LRRC8D: variants seen among roughly 807,000 people sequenced by gnomAD.
LRRC8D encodes leucine rich repeat containing 8 VRAC subunit D.
In LRRC8D, 20 loss-of-function variants were observed where a neutral mutation model predicts 55.8. The observed-to-expected ratio is 0.36, with a 90% confidence interval of 0.25 to 0.52. The LOEUF is 0.52. LRRC8D is among the 20% of genes least tolerant of loss of function. LRRC8D has a pLI of 0.93. For missense variants in LRRC8D, 651 were observed against 1,030.8 expected, an observed-to-expected ratio of 0.63 and a Z score of 5.05; for synonymous variants, 352 against 377.0, an observed-to-expected ratio of 0.93 and a Z score of 0.77.
intron 2 of LRRC8D, among the ~76,000 whole-genome samples, chr1:89,876,440 A>G (rs1662150043): frequency 6.6e-6 from 1 of 152,182 alleles, no homozygotes; most frequent in African/African-American, 2.4e-5. Flanking sequence ...CTACTGGGTT[A>G]GAGGATGTGC....
At position 89,898,166 on chromosome 1, in the gene LRRC8D, A is replaced by G. The variant is rs182276550; in HGVS notation, c.-2-34901A>G. On this transcript the variant is annotated intron_variant, in intron 2 of 2. Transcript: ENST00000337338. ...ATTGAATACGAGCCAGTAAGCAGTCATTGGTATACTGCAGTTATTGTACCA... is the reference window on the plus strand; with the variant it reads ...ATTGAATACGAGCCAGTAAGCAGTCGTTGGTATACTGCAGTTATTGTACCA... 1.1e-3 allele frequency among the ~76,000 whole-genome samples: 172 copies of G among 152,176 alleles called. 1 individual carries two copies. The highest frequency in any genetic ancestry group is 3.4e-3 in the African/African-American group (142 of 41,442).
intron 2 of LRRC8D, among the ~76,000 whole-genome samples, chr1:89,927,957 C>T (rs1045243106): frequency 2.0e-5 from 3 of 152,192 alleles, no homozygotes; most frequent in Non-Finnish European, 2.9e-5. Flanking sequence ...TAAATGCCAT[C>T]TGTGTTCTTC....
chr1:89,849,447 A>T (rs895045274), intron 2 of LRRC8D, among the ~76,000 whole-genome samples: 4 of 151,742 alleles, frequency 2.6e-5, no homozygotes, highest in Non-Finnish European at 5.9e-5. Flanking sequence ...GGAACTGCAC[A>T]GATAGTTGCC....
chr1:89,868,245 A>G (rs1396944805), intron 2 of LRRC8D, among the ~76,000 whole-genome samples: 1 of 152,324 alleles, frequency 6.6e-6, no homozygotes, highest in South Asian at 2.1e-4. Flanking sequence ...TTTGAAGAAG[A>G]TAGAACCTTG....
intron 2 of LRRC8D, among the ~76,000 whole-genome samples, chr1:89,906,124 A>G (rs1181743243): frequency 6.6e-6 from 1 of 152,184 alleles, no homozygotes; most frequent in Non-Finnish European, 1.5e-5. Context: ...ACTGCCCCCC[A>G]ACTGCTGTTT....
intron 1 of LRRC8D, among the ~76,000 whole-genome samples, chr1:89,823,349 GAAAGAAA>G (rs1296298400): frequency 1.3e-5 from 2 of 151,858 alleles, no homozygotes; most frequent in East Asian, 1.9e-4. Context: ...AAGTTTAATG[GAAAGAAA>G]AAAGAAAAAA....
intron 2 of LRRC8D, among the ~76,000 whole-genome samples, chr1:89,857,018 A>G (rs1661572455): frequency 6.6e-6 from 1 of 152,210 alleles, no homozygotes. Flanking sequence ...TCTTAAAACA[A>G]AAAAATACCC....
chr1:89,935,474 G>T lies in LRRC8D; in HGVS notation c.2406G>T (p.Gln802His). ...TTGGTCAGCTCTCCCAGCTCACTCA[G>T]CTGGAGCTGAAGGGGAACTGCTTGG... ...EKVGQLSQLT[Q>H]LELKGNCLDR... Residue 802 changes from glutamine (Q) to histidine (H), a missense_variant, in exon 3 of 3, where the codon CAG becomes CAT. Physicochemically the swap from Gln to His is conservative, Grantham distance 24. Coordinates refer to ENST00000337338, the MANE Select transcript of LRRC8D (RefSeq NM_001134479.2). 1 of 1,614,246 alleles carries T rather than the reference G, an allele frequency of 6.2e-7. No individual in the cohort carries two copies. Among genetic ancestry groups the T allele is most frequent in the Non-Finnish European group, 8.5e-7 (1 of 1,180,048 alleles).
At chr1:89,914,043 A>G (rs1321454787) in intron 2 of LRRC8D, among the ~76,000 whole-genome samples, 1 of 152,190 alleles carries the variant, frequency 6.6e-6, no homozygotes. Flanking sequence ...TTGTACTCCA[A>G]ATTTTTTACT....
chr1:89,884,524 G>A (rs1346853469), intron 2 of LRRC8D, among the ~76,000 whole-genome samples: 3 of 152,224 alleles, frequency 2.0e-5, no homozygotes, highest in Non-Finnish European at 4.4e-5. Flanking sequence ...GATTTATGGC[G>A]AAGAGCAGGT....
chr1:89,842,185 C>T (rs982108131), intron 1 of LRRC8D, among the ~76,000 whole-genome samples: 1 of 147,154 alleles, frequency 6.8e-6, no homozygotes, highest in Non-Finnish European at 1.5e-5. Context: ...TGCACTCCAG[C>T]CTGGGCGACA....
At chr1:89,912,011 A>G (rs1278978471) in intron 2 of LRRC8D, among the ~76,000 whole-genome samples, 2 of 151,848 alleles carry the variant, frequency 1.3e-5, no homozygotes, top group African/African-American at 4.8e-5. Context: ...TCCTTGGATT[A>G]TCTCATCCTG....
chr1:89,821,043 T>C lies in LRRC8D; in HGVS notation c.-396T>C, dbSNP rs1660613510. ...GTTACGCTTTGTCTAATTCCCCTCG[T>C]TACAGAGTCATGTGCTGCTGCTCCC... On this transcript the variant is annotated 5_prime_UTR_variant, in exon 1 of 3. Coordinates refer to ENST00000337338, the MANE Select transcript of LRRC8D (RefSeq NM_001134479.2). 6.6e-6 allele frequency: 1 copy of C among 150,460 alleles called. No individual in the cohort carries two copies. Among genetic ancestry groups the C allele is most frequent in the Non-Finnish European group, 1.5e-5 (1 of 67,528 alleles). The allele number at this position is 150,460 out of a possible 1,614,324, so 9.3% of individuals were successfully genotyped here. A position where few individuals can be genotyped will look rare whatever the true frequency, so the allele number is the denominator to read the frequency against.
rs994792559 is a variant in LRRC8D at position 89,870,475 on chromosome 1, C to CA, written c.-3+26704dup. Among the ~76,000 whole-genome samples, 93 of 141,954 alleles carry CA rather than the reference C, an allele frequency of 6.6e-4. 1 individual carries two copies. Among genetic ancestry groups the CA allele is most frequent in the South Asian group, 4.3e-3 (19 of 4,460 alleles). 93.1% of individuals were successfully genotyped at this position (141,954 alleles called of 152,430 possible). On this transcript the variant is annotated intron_variant, in intron 2 of 2. Transcript: ENST00000337338. ...TGGGCGACAAAGCGAGACCCTGTATCAAAAAAAAAAAGAAGAAGATAGAAA... is the reference window on the plus strand; with the variant it reads ...TGGGCGACAAAGCGAGACCCTGTATCAAAAAAAAAAAAGAAGAAGATAGAAA...
chr1:89,871,435 T>C (rs1662004063), intron 2 of LRRC8D, among the ~76,000 whole-genome samples: 1 of 152,234 alleles, frequency 6.6e-6, no homozygotes. Context: ...GGTTCAGATA[T>C]TTAGCAGATA....
chr1:89,893,820 A>C (rs1423886305), intron 2 of LRRC8D, among the ~76,000 whole-genome samples: 2 of 152,226 alleles, frequency 1.3e-5, no homozygotes, highest in African/African-American at 2.4e-5. Flanking sequence ...TTTTAGATGA[A>C]TATCTGGAGT....
At chr1:89,903,136 A>G (rs888382863) in intron 2 of LRRC8D, among the ~76,000 whole-genome samples, 6 of 152,202 alleles carry the variant, frequency 3.9e-5, no homozygotes, top group Middle Eastern at 3.2e-3. Context: ...TGGCAGAGCC[A>G]GGATTCTTCG....
intron 2 of LRRC8D, among the ~76,000 whole-genome samples, chr1:89,861,545 T>C (rs1260967408): frequency 6.6e-6 from 1 of 152,214 alleles, no homozygotes; most frequent in African/African-American, 2.4e-5. Context: ...GTGCCAGGGA[T>C]TCCCTGAGCT....
intron 1 of LRRC8D, among the ~76,000 whole-genome samples, chr1:89,829,801 G>A (rs573735608): frequency 6.6e-6 from 1 of 152,244 alleles, no homozygotes; most frequent in South Asian, 2.1e-4. Flanking sequence ...GGAATTGAGA[G>A]GGTAACTTTA....
Sources: allele counts gnomAD v4.1 joint callset (sites outside exome capture counted in the v4.1 genomes callset), GRCh38; gene constraint gnomAD v4.1.1; transcripts MANE v1.5; gene names NCBI Gene and HGNC (gene_info 2026-07-23, HGNC 2026-07-21).